The following MIPOL1 variants were observed in gnomAD, a reference collection of about 807,000 sequenced individuals.
MIPOL1 encodes the protein mirror-image polydactyly 1, also known as mirror-image polydactyly gene 1 protein.
Under a neutral mutation model 60.9 loss-of-function variants are expected in MIPOL1, and 57 were observed. The observed-to-expected ratio is 0.94, with a 90% CI of 0.76 to 1.17. MIPOL1 has a LOEUF of 1.17. Ranked by LOEUF, MIPOL1 falls within the 50% of genes most tolerant of loss-of-function variation. The pLI, the probability that MIPOL1 is intolerant of heterozygous loss-of-function variation, is 0.00. For missense variants in MIPOL1, 551 were observed against 511.6 expected (o/e 1.08, Z -0.74); for synonymous variants, 179 against 168.8 (o/e 1.06, Z -0.47).
intron 12 of MIPOL1, among the ~76,000 whole-genome samples, chr14:37,546,248 T>C (rs2095547060): frequency 6.6e-6 from 1 of 152,222 alleles, no homozygotes; most frequent in South Asian, 2.1e-4. Flanking sequence ...TCTATGTAGG[T>C]AATTTCTAGT....
intron 6 of MIPOL1, among the ~76,000 whole-genome samples, chr14:37,272,035 A>G (rs2153393202): frequency 6.6e-6 from 1 of 151,646 alleles, no homozygotes; most frequent in South Asian, 2.1e-4. Context: ...GAACAGTTTG[A>G]ATCAGGCATT....
intron 12 of MIPOL1, among the ~76,000 whole-genome samples, chr14:37,510,811 A>G (rs1403640472): frequency 6.6e-6 from 1 of 152,138 alleles, no homozygotes; most frequent in Non-Finnish European, 1.5e-5. Flanking sequence ...GGCCCATGAC[A>G]AATACTTTTT....
chr14:37,205,207 A>G (rs892665856), intron 1 of MIPOL1, among the ~76,000 whole-genome samples: 1 of 151,694 alleles, frequency 6.6e-6, no homozygotes, highest in Non-Finnish European at 1.5e-5. Context: ...GGTTCAAGTG[A>G]TTCTCCTGCT....
intron 7 of MIPOL1, among the ~76,000 whole-genome samples, chr14:37,299,020 T>C (rs1356125385): frequency 2.0e-5 from 3 of 151,932 alleles, no homozygotes; most frequent in Admixed American, 6.6e-5. Context: ...GTGGCACTAT[T>C]CACAATAGCA....
intron 1 of MIPOL1, among the ~76,000 whole-genome samples, chr14:37,224,828 A>T (rs1005597115): frequency 5.3e-5 from 8 of 152,220 alleles, no homozygotes; most frequent in African/African-American, 1.2e-4. Flanking sequence ...CCAAAGCCTT[A>T]ACTGTTACAA....
chr14:37,422,073 A>G (rs977386187), intron 10 of MIPOL1, among the ~76,000 whole-genome samples: 1 of 152,062 alleles, frequency 6.6e-6, no homozygotes, highest in African/African-American at 2.4e-5. Context: ...CCAGTGCCAG[A>G]TTTTCAAAGT....
At chr14:37,541,242 C>T (rs2095528480) in intron 12 of MIPOL1, among the ~76,000 whole-genome samples, 1 of 152,172 alleles carries the variant, frequency 6.6e-6, no homozygotes, top group South Asian at 2.1e-4. Flanking sequence ...AGCCTCAACA[C>T]AAATCAAAAT....
intron 6 of MIPOL1, among the ~76,000 whole-genome samples, chr14:37,279,883 A>C (rs1263546491): frequency 6.6e-6 from 1 of 152,066 alleles, no homozygotes; most frequent in Non-Finnish European, 1.5e-5. Context: ...GATCACCAGA[A>C]CCTATTCCTC....
chr14:37,508,858 A>G lies in MIPOL1; in HGVS notation c.1262+8720A>G, dbSNP rs921299486. Among the ~76,000 whole-genome samples the G allele has an allele frequency of 4.6e-5, 7 of 152,248 alleles. No homozygotes were observed. The South Asian group carries it at 1.0e-3, about 23-fold the overall frequency. Reference sequence around the variant, plus strand: ...TTTTTTTAAGGTTAGCAAGCATCCAATCACAAATGCAGTCAACTTTTAGAA... The same window carrying G: ...TTTTTTTAAGGTTAGCAAGCATCCAGTCACAAATGCAGTCAACTTTTAGAA... On this transcript the variant is annotated intron_variant, in intron 12 of 12. Coordinates refer to ENST00000684589, the MANE Select transcript of MIPOL1 (RefSeq NM_001388067.1).
At chr14:37,537,314 C>G (rs111506242) in intron 12 of MIPOL1, among the ~76,000 whole-genome samples, 2,261 of 152,236 alleles carry the variant, frequency 0.015, 57 homozygotes, top group African/African-American at 0.051. Context: ...ATTTTTAACA[C>G]TATCCTTTGT....
Position 37,247,192 on chromosome 14 carries a change from A to G in MIPOL1, c.-109A>G, listed in dbSNP as rs1261939950. 6.6e-6 allele frequency: 1 copy of G among 152,520 alleles called. No individual in the cohort carries two copies. Among genetic ancestry groups the G allele is most frequent in the Admixed American group, 6.6e-5 (1 of 15,252 alleles). 9.4% of individuals were successfully genotyped at this position (152,520 alleles called of 1,614,324 possible). A position where few individuals can be genotyped will look rare whatever the true frequency, so the allele number is the denominator to read the frequency against. Reference sequence around the variant, plus strand: ...AAAATTGGAAAAGGAGAAGCTTACTACAGCTTTATTTGAGGACTTTTTAAA... The same window carrying G: ...AAAATTGGAAAAGGAGAAGCTTACTGCAGCTTTATTTGAGGACTTTTTAAA... On this transcript the variant is annotated 5_prime_UTR_variant, in exon 2 of 13. Coordinates refer to ENST00000684589, the MANE Select transcript of MIPOL1 (RefSeq NM_001388067.1).
chr14:37,427,373 G>T (rs529280608), intron 11 of MIPOL1, among the ~76,000 whole-genome samples: 1 of 152,244 alleles, frequency 6.6e-6, no homozygotes, highest in African/African-American at 2.4e-5. Context: ...CAAGTTCATA[G>T]AGACAGAAAA....
At position 37,445,104 on chromosome 14, in the gene MIPOL1, G is replaced by T. The variant is rs28678363; in HGVS notation, c.1031+22155G>T. ...AATTAGGCAGGAGAAGACAATAAAG[G>T]GTATTCAGTTAGGAAAAAAGGAAGT... On this transcript the variant is annotated intron_variant, in intron 11 of 12. Coordinates refer to ENST00000684589, the MANE Select transcript of MIPOL1 (RefSeq NM_001388067.1). 3.6e-3 allele frequency among the ~76,000 whole-genome samples: 542 copies of T among 152,096 alleles called. 3 individuals carry two copies. Among genetic ancestry groups the T allele is most frequent in the African/African-American group, 0.011 (463 of 41,482 alleles).
intron 12 of MIPOL1, among the ~76,000 whole-genome samples, chr14:37,530,513 C>T (rs2095472719): frequency 6.6e-6 from 1 of 152,164 alleles, no homozygotes; most frequent in Admixed American, 6.5e-5. Context: ...TGTATAACCC[C>T]ATTTCCCAAA....
At chr14:37,232,214 A>C (rs1970743553) in intron 1 of MIPOL1, among the ~76,000 whole-genome samples, 1 of 152,252 alleles carries the variant, frequency 6.6e-6, no homozygotes, top group Non-Finnish European at 1.5e-5. Flanking sequence ...CTGTGAATAC[A>C]AGTAATACCT....
intron 11 of MIPOL1, among the ~76,000 whole-genome samples, chr14:37,446,341 C>T (rs2094334587): frequency 1.3e-5 from 2 of 152,198 alleles, no homozygotes; most frequent in South Asian, 4.2e-4. Context: ...CATCACTGGC[C>T]ATCAGAGAAA....
intron 11 of MIPOL1, among the ~76,000 whole-genome samples, chr14:37,435,670 G>A (rs1255027718): frequency 6.6e-6 from 1 of 152,154 alleles, no homozygotes; most frequent in African/African-American, 2.4e-5. Flanking sequence ...TGCCTGGGAA[G>A]TGAGACTGAG....
chr14:37,494,584 A>G (rs995611432), intron 11 of MIPOL1, among the ~76,000 whole-genome samples: 1 of 152,192 alleles, frequency 6.6e-6, no homozygotes, highest in African/African-American at 2.4e-5. Flanking sequence ...AGACCACAGC[A>G]AGTATAGAAG....
At chr14:37,542,697 A>T (rs1186241400) in intron 12 of MIPOL1, among the ~76,000 whole-genome samples, 1 of 152,086 alleles carries the variant, frequency 6.6e-6, no homozygotes, top group Admixed American at 6.6e-5. Flanking sequence ...TTCTGTTAAT[A>T]CCTGTGTTTA....
Sources: gnomAD v4.1 joint callset for allele counts (sites outside exome capture counted in the v4.1 genomes callset) on GRCh38, gnomAD v4.1.1 for gene constraint, MANE v1.5 for transcripts, NCBI Gene and HGNC (gene_info 2026-07-23, HGNC 2026-07-21) for gene names.